TAS2R1: variants seen among roughly 807,000 people sequenced by gnomAD.
The protein encoded by TAS2R1 is taste receptor type 2 member 1.
For missense variants in TAS2R1, 370 were observed against 353.4 expected, an observed-to-expected ratio of 1.05 and a Z score of -0.38; for synonymous variants, 141 against 134.2, an observed-to-expected ratio of 1.05 and a Z score of -0.35.
Position 9,654,810 on chromosome 5 carries a change from T to C in TAS2R1, c.-81+4611A>G, listed in dbSNP as rs10058675. Among the ~76,000 whole-genome samples the C allele has an allele frequency of 7.7e-3, 1,168 of 152,290 alleles. 15 individuals carry two copies. The highest frequency in any genetic ancestry group is 0.027 in the African/African-American group (1,115 of 41,562). ...AACTTCCATTCCTTACTGGTGAGACTGAAAATAATACAGCTATTCTGGAAA... is the reference window on the plus strand; with the variant it reads ...AACTTCCATTCCTTACTGGTGAGACCGAAAATAATACAGCTATTCTGGAAA... On this transcript the variant is annotated intron_variant, in intron 2 of 2. Transcript: ENST00000506620.
At chr5:9,741,956 C>T in the TAS2R1 span, among the ~76,000 whole-genome samples, 1 of 152,120 alleles carries the variant, frequency 6.6e-6, no homozygotes, top group Non-Finnish European at 1.5e-5. Context: ...AGTGCAATGG[C>T]ACAATCTCGG....
chr5:9,669,277 C>T (rs1019326680), intron 1 of TAS2R1, among the ~76,000 whole-genome samples: 1 of 152,050 alleles, frequency 6.6e-6, no homozygotes, highest in Non-Finnish European at 1.5e-5. Context: ...TCTTAGACAC[C>T]GACAAAGAGA....
the TAS2R1 span, among the ~76,000 whole-genome samples, chr5:9,811,025 G>A: frequency 1.3e-5 from 2 of 152,158 alleles, no homozygotes; most frequent in African/African-American, 4.8e-5. Context: ...AAATGTGTGT[G>A]TTCCCCTAAA....
intron 1 of TAS2R1, among the ~76,000 whole-genome samples, chr5:9,703,276 G>T (rs1324953123): frequency 6.6e-6 from 1 of 152,156 alleles, no homozygotes; most frequent in Non-Finnish European, 1.5e-5. Flanking sequence ...GTATGATACT[G>T]TTAGGTGGGG....
At chr5:9,873,779 G>C in the TAS2R1 span, among the ~76,000 whole-genome samples, 1 of 150,706 alleles carries the variant, frequency 6.6e-6, no homozygotes, top group African/African-American at 2.4e-5. Context: ...TGAGGCAGGA[G>C]AATTGCTTGA....
At chr5:9,883,360 T>A in the TAS2R1 span, 4 of 152,302 alleles carry the variant, frequency 2.6e-5, no homozygotes, top group African/African-American at 9.7e-5. Flanking sequence ...ACATCCTGCA[T>A]ATGTATCCTG....
the TAS2R1 span, among the ~76,000 whole-genome samples, chr5:9,900,618 G>GTTTTTTTTTTT: frequency 2.5e-5 from 3 of 119,958 alleles, no homozygotes; most frequent in Non-Finnish European, 3.3e-5. Context: ...TGCTCAAATG[G>GTTTTTTTTTTT]TTTTTTTTTT....
At chr5:9,699,381 T>C (rs1741430615) in intron 1 of TAS2R1, among the ~76,000 whole-genome samples, 1 of 152,224 alleles carries the variant, frequency 6.6e-6, no homozygotes, top group South Asian at 2.1e-4. Flanking sequence ...TGATGCCACT[T>C]TCTGACTTCG....
At chr5:9,630,840 A>G (rs1713349283), upstream of TAS2R1, among the ~76,000 whole-genome samples, 1 of 152,226 alleles carries the variant, frequency 6.6e-6, no homozygotes, top group African/African-American at 2.4e-5. Context: ...AAAAGTAAAG[A>G]TAAAATAATA....
At chr5:9,805,767 A>G in the TAS2R1 span, among the ~76,000 whole-genome samples, 1 of 152,190 alleles carries the variant, frequency 6.6e-6, no homozygotes, top group Non-Finnish European at 1.5e-5. Context: ...AAAGCCATCT[A>G]TGACAAACCC....
intron 1 of TAS2R1, among the ~76,000 whole-genome samples, chr5:9,668,659 T>A (rs1740689046): frequency 6.6e-6 from 1 of 152,098 alleles, no homozygotes; most frequent in Non-Finnish European, 1.5e-5. Context: ...TCTGGCCAAA[T>A]TAAGATTCAT....
the TAS2R1 span, among the ~76,000 whole-genome samples, chr5:9,822,910 G>A: frequency 5.3e-5 from 8 of 150,776 alleles, no homozygotes; most frequent in East Asian, 1.6e-3. Context: ...CTATGACAGA[G>A]ATAACGTTGC....
intron 2 of TAS2R1, among the ~76,000 whole-genome samples, chr5:9,650,936 A>T (rs1740292712): frequency 6.6e-6 from 1 of 152,228 alleles, no homozygotes; most frequent in South Asian, 2.1e-4. Flanking sequence ...TTAAATGTTT[A>T]AAATAAAAAT....
the TAS2R1 span, among the ~76,000 whole-genome samples, chr5:9,799,967 G>A: frequency 6.6e-6 from 1 of 152,258 alleles, no homozygotes; most frequent in South Asian, 2.1e-4. Context: ...TTGCTCTATA[G>A]GAAACAACTA....
At chr5:9,888,930 G>C in the TAS2R1 span, among the ~76,000 whole-genome samples, 1 of 152,208 alleles carries the variant, frequency 6.6e-6, no homozygotes, top group Non-Finnish European at 1.5e-5. Flanking sequence ...GGCATATTCA[G>C]AGAAACATTT....
intron 2 of TAS2R1, among the ~76,000 whole-genome samples, chr5:9,657,682 T>G (rs1256605086): frequency 6.6e-6 from 1 of 152,192 alleles, no homozygotes; most frequent in Non-Finnish European, 1.5e-5. Flanking sequence ...GAACATGAAG[T>G]TCCTAGAGTA....
the TAS2R1 span, among the ~76,000 whole-genome samples, chr5:9,741,030 C>T: frequency 3.9e-5 from 6 of 152,152 alleles, no homozygotes; most frequent in South Asian, 2.1e-4. Context: ...CCAGAGCAGC[C>T]GCTCATTAAA....
chr5:9,664,195 A>G (rs1417683783), intron 1 of TAS2R1, among the ~76,000 whole-genome samples: 1 of 152,144 alleles, frequency 6.6e-6, no homozygotes, highest in Non-Finnish European at 1.5e-5. Flanking sequence ...ACTCCCCAAC[A>G]AGCGAGCAGG....
chr5:9,755,089 C>G, the TAS2R1 span, among the ~76,000 whole-genome samples: 11 of 152,168 alleles, frequency 7.2e-5, no homozygotes, highest in Admixed American at 5.2e-4. Flanking sequence ...CCATAATTTA[C>G]GGTTCATTAG....
Sources: allele counts gnomAD v4.1 joint callset (sites outside exome capture counted in the v4.1 genomes callset), GRCh38; gene constraint gnomAD v4.1.1; transcripts MANE v1.5; gene names NCBI Gene and HGNC (gene_info 2026-07-23, HGNC 2026-07-21).